Variants in COL13A1 observed in about 807,000 individuals in gnomAD.
The protein encoded by COL13A1 is collagen alpha-1(XIII) chain.
COL13A1 carries 89 observed loss-of-function variants against 130.9 expected under a neutral mutation model. That is an observed-to-expected ratio of 0.68 (90% CI 0.57 to 0.81). The LOEUF is 0.81. Among genes scored for constraint, COL13A1 ranks in the 30% least tolerant of loss-of-function variants. COL13A1 has a pLI of 0.00. For missense variants in COL13A1, 879 were observed against 934.6 expected, an observed-to-expected ratio of 0.94 and a Z score of 0.78; for synonymous variants, 402 against 341.6, an observed-to-expected ratio of 1.18 and a Z score of -1.95.
At chr10:69,812,438 TA>T (rs967286083) in intron 1 of COL13A1, among the ~76,000 whole-genome samples, 2 of 152,000 alleles carry the variant, frequency 1.3e-5, no homozygotes, top group African/African-American at 2.4e-5. Context: ...TTTTTAGGAT[TA>T]AAAAAAAGTT....
At chr10:69,954,177 T>C (rs749008359) in intron 39 of COL13A1, among the ~76,000 whole-genome samples, 2 of 152,130 alleles carry the variant, frequency 1.3e-5, no homozygotes, top group Non-Finnish European at 2.9e-5. Flanking sequence ...ATGCCAAGGG[T>C]CACCCCGCCT....
chr10:69,822,582 T>A, intron 2 of COL13A1, 144 bp downstream of exon 2: 1 of 584,038 alleles, frequency 1.7e-6, no homozygotes, highest in Non-Finnish European at 2.8e-6. Context: ...TGTGGTTGCC[T>A]TCCATCTGCT....
chr10:69,855,367 A>G (rs1856117024), intron 2 of COL13A1, among the ~76,000 whole-genome samples: 1 of 152,172 alleles, frequency 6.6e-6, no homozygotes, highest in African/African-American at 2.4e-5. Flanking sequence ...CTCCTGGACT[A>G]ATGACAGAGC....
intron 6 of COL13A1, 62 bp downstream of exon 6, chr10:69,878,127 T>C (rs2059787698): frequency 2.9e-6 from 2 of 700,952 alleles, no homozygotes; most frequent in Admixed American, 4.0e-5. Context: ...GGACTCTTGA[T>C]GGGAGGCTCT....
intron 1 of COL13A1, among the ~76,000 whole-genome samples, chr10:69,806,947 C>T (rs1841754209): frequency 6.6e-6 from 1 of 152,182 alleles, no homozygotes; most frequent in South Asian, 2.1e-4. Context: ...GCGAAGTTTG[C>T]AGTGAGCTGA....
In COL13A1 at chr10:69,866,004, G is replaced by C. The variant is rs58414305; in HGVS notation, c.365-1794G>C. 6.2e-3 allele frequency among the ~76,000 whole-genome samples: 942 copies of C among 152,298 alleles called. 14 individuals are homozygous for C. Among genetic ancestry groups the C allele is most frequent in the African/African-American group, 0.022 (895 of 41,556 alleles). Reference sequence around the variant, plus strand: ...CCTATTGCATAATGGAAAACCCCTCGAATTGTGCCTGGCACCTAATAAGGA... The same window carrying C: ...CCTATTGCATAATGGAAAACCCCTCCAATTGTGCCTGGCACCTAATAAGGA... On this transcript the variant is annotated intron_variant, in intron 2 of 40. Transcript: ENST00000645393.
intron 2 of COL13A1, among the ~76,000 whole-genome samples, chr10:69,837,766 C>T (rs921317406): frequency 6.6e-6 from 1 of 152,008 alleles, no homozygotes; most frequent in African/African-American, 2.4e-5. Context: ...GGATCATGTT[C>T]CCGTGGAACG....
Position 69,804,809 on chromosome 10 carries a change from C to CAAAAAAAAA in COL13A1, c.294+2117_294+2125dup, listed in dbSNP as rs57098368. ...AAATGGGCAGTGACCATGTCGTGTG[C>CAAAAAAAAA]AAAAAAAAAAAAAAAAAAAAAAAAA... On this transcript the variant is annotated intron_variant, in intron 1 of 40. Transcript: ENST00000645393. Among the ~76,000 whole-genome samples, 157 of 75,374 alleles carry CAAAAAAAAA rather than the reference C, an allele frequency of 2.1e-3. 9 individuals are homozygous for CAAAAAAAAA. Among genetic ancestry groups the CAAAAAAAAA allele is most frequent in the Non-Finnish European group, 2.6e-3 (109 of 42,396 alleles). The allele number at this position is 75,374 out of a possible 152,430, so 49.4% of individuals were successfully genotyped here.
intron 36 of COL13A1, among the ~76,000 whole-genome samples, chr10:69,944,662 A>T (rs530665756): frequency 2.8e-5 from 3 of 106,472 alleles, no homozygotes; most frequent in South Asian, 2.8e-4. Context: ...TTATCTCTAT[A>T]AAAAAAAAAA....
rs1471040133 is a variant in COL13A1, at chr10:69,880,755, T to C, written c.513+202T>C. Among the ~76,000 whole-genome samples the C allele has an allele frequency of 3.3e-5, 5 of 152,190 alleles. No individual in the cohort carries two copies. In the East Asian group the frequency reaches 9.6e-4, roughly 29 times the overall value. On this transcript the variant is annotated intron_variant, in intron 7 of 40. Coordinates refer to ENST00000645393, the MANE Select transcript of COL13A1 (RefSeq NM_001368882.1). ...AGTGGCCTGGCTAAATATACCTAAA[T>C]TACAGTCCCTTGGGAGGGTTCTGAG...
At chr10:69,825,653 C>G (rs755030080) in intron 2 of COL13A1, among the ~76,000 whole-genome samples, 7 of 152,216 alleles carry the variant, frequency 4.6e-5, no homozygotes, top group Non-Finnish European at 1.0e-4. Context: ...CCTCGATCCT[C>G]AAAGTGGTGC....
intron 37 of COL13A1, among the ~76,000 whole-genome samples, chr10:69,946,069 C>CA (rs1312333033): frequency 8.1e-6 from 1 of 124,186 alleles, no homozygotes; most frequent in Non-Finnish European, 1.7e-5. Flanking sequence ...GACTCCATCT[C>CA]AAAAAAACGA....
At chr10:69,821,763 C>T (rs1407704209) in intron 1 of COL13A1, among the ~76,000 whole-genome samples, 1 of 152,220 alleles carries the variant, frequency 6.6e-6, no homozygotes, top group Non-Finnish European at 1.5e-5. Context: ...CTCTTCTCCA[C>T]TTGCCACCAT....
intron 26 of COL13A1, among the ~76,000 whole-genome samples, chr10:69,926,806 A>AG (rs1350716841): frequency 6.6e-6 from 1 of 152,196 alleles, no homozygotes; most frequent in African/African-American, 2.4e-5. Flanking sequence ...TAAAGGTTGC[A>AG]GTCCATTTAG....
At chr10:69,880,015 C>T (rs1025020071) in intron 6 of COL13A1, among the ~76,000 whole-genome samples, 3 of 152,100 alleles carry the variant, frequency 2.0e-5, no homozygotes, top group Non-Finnish European at 4.4e-5. Context: ...GCAGGGTGTG[C>T]GGCCAGATGG....
chr10:69,828,313 C>T (rs1024832173), intron 2 of COL13A1, among the ~76,000 whole-genome samples: 2 of 152,098 alleles, frequency 1.3e-5, no homozygotes, highest in Non-Finnish European at 2.9e-5. Flanking sequence ...AGCCCCACCG[C>T]ATGTCCCATC....
intron 2 of COL13A1, among the ~76,000 whole-genome samples, chr10:69,825,740 T>C (rs1023730783): frequency 2.6e-5 from 4 of 152,226 alleles, no homozygotes; most frequent in Non-Finnish European, 5.9e-5. Flanking sequence ...CTTGGGGCCC[T>C]GGGCGGCACC....
intron 31 of COL13A1, among the ~76,000 whole-genome samples, chr10:69,934,727 A>G (rs536172891): frequency 6.6e-6 from 1 of 152,200 alleles, no homozygotes; most frequent in African/African-American, 2.4e-5. Context: ...CTCTAGCACA[A>G]TCTGCATCTG....
At chr10:69,854,323 T>A (rs1855797134) in intron 2 of COL13A1, among the ~76,000 whole-genome samples, 1 of 152,224 alleles carries the variant, frequency 6.6e-6, no homozygotes, top group Admixed American at 6.5e-5. Flanking sequence ...CCCAGCACTC[T>A]GGGAGATCAA....
Sources: gnomAD v4.1 joint callset for allele counts (sites outside exome capture counted in the v4.1 genomes callset) on GRCh38, gnomAD v4.1.1 for gene constraint, MANE v1.5 for transcripts, NCBI Gene and HGNC (gene_info 2026-07-23, HGNC 2026-07-21) for gene names.